Variants in CDK17 observed in about 807,000 individuals in gnomAD.
CDK17 encodes the protein cyclin-dependent kinase 17.
In CDK17, 24 loss-of-function variants were observed where a neutral mutation model predicts 77.6. The ratio of observed to expected loss-of-function variants is 0.31; its 90% CI spans 0.22 to 0.44. CDK17 has a LOEUF of 0.44. CDK17 is among the 20% of genes least tolerant of loss of function. The probability of loss-of-function intolerance (pLI) is 1.00; values close to 1 mark genes in which losing one functional copy is unlikely to be tolerated. For synonymous variants in CDK17, 203 were observed against 210.4 expected, an observed-to-expected ratio of 0.96 and a Z score of 0.30; for missense variants, 429 against 622.5, an observed-to-expected ratio of 0.69 and a Z score of 3.31.
chr12:96,329,690 T>C (rs1457308240), intron 2 of CDK17, among the ~76,000 whole-genome samples: 1 of 152,188 alleles, frequency 6.6e-6, no homozygotes, highest in African/African-American at 2.4e-5. Context: ...CTCCCTATGT[T>C]ATCCACTGTT....
At chr12:96,360,772 C>A (rs1953481395) in intron 1 of CDK17, among the ~76,000 whole-genome samples, 1 of 152,194 alleles carries the variant, frequency 6.6e-6, no homozygotes, top group South Asian at 2.1e-4. Context: ...AGGCTCTGCA[C>A]ATTGCAGAGG....
At chr12:96,328,925 C>G (rs1952929916) in intron 2 of CDK17, among the ~76,000 whole-genome samples, 1 of 152,162 alleles carries the variant, frequency 6.6e-6, no homozygotes, top group Admixed American at 6.5e-5. Flanking sequence ...ATAAAATATT[C>G]TAACACTTCC....
intron 10 of CDK17, among the ~76,000 whole-genome samples, chr12:96,292,124 C>T (rs1177403900): frequency 6.6e-6 from 1 of 152,124 alleles, no homozygotes; most frequent in Non-Finnish European, 1.5e-5. Flanking sequence ...TATTCAAACA[C>T]AGGTAACCCA....
At chr12:96,286,183 ATATATATAAAATT>A (rs1161527590) in intron 12 of CDK17, 35 bp from the exon 13 acceptor site, 1 of 531,002 alleles carries the variant, frequency 1.9e-6, no homozygotes, top group Non-Finnish European at 2.8e-6. Context: ...ATATTTATAA[ATATATATAAAATT>A]TATATATAAA....
At chr12:96,342,768 C>A (rs574417877) in intron 1 of CDK17, among the ~76,000 whole-genome samples, 3 of 151,858 alleles carry the variant, frequency 2.0e-5, no homozygotes, top group African/African-American at 4.8e-5. Context: ...AGTTCAAGAC[C>A]GCCTGATCAA....
chr12:96,297,004 A>G (rs1316624057), intron 9 of CDK17, among the ~76,000 whole-genome samples: 1 of 152,168 alleles, frequency 6.6e-6, no homozygotes, highest in Non-Finnish European at 1.5e-5. Context: ...ATACACCTGT[A>G]CATATATTCT....
intron 1 of CDK17, among the ~76,000 whole-genome samples, chr12:96,382,702 C>T (rs1244872070): frequency 1.3e-5 from 2 of 152,118 alleles, no homozygotes; most frequent in African/African-American, 2.4e-5. Context: ...AAGGTTGCTT[C>T]AACACATGAA....
chr12:96,372,370 CA>C (rs1398085235), intron 1 of CDK17, among the ~76,000 whole-genome samples: 1 of 151,972 alleles, frequency 6.6e-6, no homozygotes, highest in East Asian at 1.9e-4. Flanking sequence ...AGGGCCGAAT[CA>C]ATTGATCTCA....
intron 13 of CDK17, among the ~76,000 whole-genome samples, chr12:96,284,854 C>T (rs966498066): frequency 5.3e-5 from 8 of 152,062 alleles, no homozygotes; most frequent in South Asian, 2.1e-4. Flanking sequence ...CGTGAATCAC[C>T]GTGCCCGGCC....
At chr12:96,351,193 G>A (rs1194804682) in intron 1 of CDK17, among the ~76,000 whole-genome samples, 1 of 152,158 alleles carries the variant, frequency 6.6e-6, no homozygotes, top group African/African-American at 2.4e-5. Context: ...CAGTGAGGAT[G>A]TGGACAAACT....
chr12:96,379,669 A>G (rs1953844652), intron 1 of CDK17, among the ~76,000 whole-genome samples: 1 of 152,072 alleles, frequency 6.6e-6, no homozygotes, highest in Non-Finnish European at 1.5e-5. Flanking sequence ...GGCTCAAGCA[A>G]TCCTTTCACC....
chr12:96,298,692 A>C (rs111750990), intron 7 of CDK17, among the ~76,000 whole-genome samples, 177 bp downstream of exon 7: 3,217 of 152,306 alleles, frequency 0.021, 64 homozygotes, highest in Non-Finnish European at 0.034. Flanking sequence ...TTTCATTATA[A>C]GTTATACACT....
chr12:96,280,031 G>C lies in CDK17; in HGVS notation c.*211C>G. 2.1e-6 allele frequency: 1 copy of C among 466,362 alleles called. No individual in the cohort carries two copies. Among genetic ancestry groups the C allele is most frequent in the Non-Finnish European group, 3.7e-6 (1 of 267,374 alleles). The allele number at this position is 466,362 out of a possible 1,614,324, so 28.9% of individuals were successfully genotyped here. On this transcript the variant is annotated 3_prime_UTR_variant, in exon 17 of 17. Transcript: ENST00000261211. ...ACCTACTGGCTCTAATGGCAGAGAA[G>C]ACCTTAAAACCGACTGTACAAAAAA... is the stretch of plus-strand genomic sequence containing the variant.
intron 1 of CDK17, among the ~76,000 whole-genome samples, chr12:96,336,541 A>G (rs1364308982): frequency 6.6e-6 from 1 of 152,268 alleles, no homozygotes; most frequent in Non-Finnish European, 1.5e-5. Context: ...ACATTAAAAT[A>G]GCAAGAGTTG....
chr12:96,357,793 G>A (rs1465938495), intron 1 of CDK17, among the ~76,000 whole-genome samples: 2 of 152,108 alleles, frequency 1.3e-5, no homozygotes, highest in African/African-American at 4.8e-5. Flanking sequence ...TTCTTCCTGA[G>A]AAAGGTATCC....
At position 96,286,155 on chromosome 12, in the gene CDK17, T is replaced by A. The variant is rs570600667; in HGVS notation, c.1217-7A>T. On this transcript the variant is annotated splice_polypyrimidine_tract_variant and splice_region_variant and intron_variant, in intron 12 of 16. Coordinates refer to ENST00000261211, the MANE Select transcript of CDK17 (RefSeq NM_002595.5). ...GTTTCCTGAGATGGAGTTCCTGAATTAAAAAAAAAAATTAAATATATTTAT... is the reference window on the plus strand; with the variant it reads ...GTTTCCTGAGATGGAGTTCCTGAATAAAAAAAAAAAATTAAATATATTTAT... 12 of 915,882 alleles carry A rather than the reference T, an allele frequency of 1.3e-5. No individual in the cohort carries two copies. In the South Asian group the frequency reaches 3.1e-4, roughly 23 times the overall value. The allele number at this position is 915,882 out of a possible 1,614,324, so 56.7% of individuals were successfully genotyped here.
At chr12:96,350,812 AAT>A (rs1359048887) in intron 1 of CDK17, among the ~76,000 whole-genome samples, 8 of 152,312 alleles carry the variant, frequency 5.3e-5, no homozygotes, top group South Asian at 4.1e-4. Flanking sequence ...TGATTTCTTA[AAT>A]ATGACACCAA....
At chr12:96,373,661 C>T (rs1953730216) in intron 1 of CDK17, among the ~76,000 whole-genome samples, 1 of 151,976 alleles carries the variant, frequency 6.6e-6, no homozygotes, top group Non-Finnish European at 1.5e-5. Flanking sequence ...GTGACTCACG[C>T]CTGTAATCCC....
In CDK17 at chr12:96,286,102, C is replaced by T. The variant is rs375871947; in HGVS notation, c.1263G>A (p.Glu421=). The change falls in exon 13 of 17, where the codon GAG becomes GAA. Residue 421 remains glutamate, a synonymous_variant. Transcript: ENST00000261211. ...ATTTTGGAAAGTTGTAGTTCTTGAA[C>T]TCCTCATTTGAAGAAATACCTGGCC... The part of the protein sequence containing the change: ...ETWPGISSNE[E]FKNYNFPKYK... 1.9e-5 allele frequency: 29 copies of T among 1,507,780 alleles called. No homozygotes were observed. In the African/African-American group the frequency reaches 3.7e-4, roughly 19 times the overall value. 93.4% of individuals were successfully genotyped at this position (1,507,780 alleles called of 1,614,324 possible). A position where few individuals can be genotyped will look rare whatever the true frequency, so the allele number is the denominator to read the frequency against.
Sources: allele counts gnomAD v4.1 joint callset (sites outside exome capture counted in the v4.1 genomes callset), GRCh38; gene constraint gnomAD v4.1.1; transcripts MANE v1.5; gene names NCBI Gene and HGNC (gene_info 2026-07-23, HGNC 2026-07-21).